The following PITPNM2 variants were observed in gnomAD, a reference collection of about 807,000 sequenced individuals.
PITPNM2 encodes phosphatidylinositol transfer protein membrane associated 2.
A neutral mutation model predicts 132.2 loss-of-function variants in PITPNM2; 35 were observed. That is an observed-to-expected ratio of 0.26 (90% CI 0.20 to 0.35). The LOEUF (loss-of-function observed/expected upper bound fraction) is 0.35. PITPNM2 is among the 10% of genes least tolerant of loss of function. PITPNM2 has a pLI of 1.00. For missense variants in PITPNM2, 1,332 were observed against 1,912.0 expected (o/e 0.70, Z 5.66); for synonymous variants, 738 against 799.2 (o/e 0.92, Z 1.29).
At chr12:122,998,798 G>A (rs552348829) in intron 10 of PITPNM2, among the ~76,000 whole-genome samples, 6 of 152,170 alleles carry the variant, frequency 3.9e-5, no homozygotes, top group Non-Finnish European at 8.8e-5. Flanking sequence ...GGGAGGGCAG[G>A]GGCTGGATCC....
chr12:123,007,135 G>C (rs1386065992), intron 6 of PITPNM2, among the ~76,000 whole-genome samples: 1 of 152,126 alleles, frequency 6.6e-6, no homozygotes, highest in Non-Finnish European at 1.5e-5. Flanking sequence ...CCTGCACACT[G>C]TATCAGGCTG....
chr12:123,013,708 G>T, intron 4 of PITPNM2, 120 bp downstream of exon 4: 6 of 1,168,180 alleles, frequency 5.1e-6, no homozygotes, highest in African/African-American at 1.5e-5. Context: ...GTTCCCTGGG[G>T]TTATGGGTTG....
At chr12:123,071,975 C>G (rs1273878471) in intron 2 of PITPNM2, among the ~76,000 whole-genome samples, 1 of 152,226 alleles carries the variant, frequency 6.6e-6, no homozygotes, top group Non-Finnish European at 1.5e-5. Flanking sequence ...GCAATTAGCA[C>G]AGGCCCAGCA....
At chr12:123,013,797 G>A (rs770019792) in intron 4 of PITPNM2, 31 bp downstream of exon 4, 1 of 1,601,432 alleles carries the variant, frequency 6.2e-7, no homozygotes, top group South Asian at 1.1e-5. Flanking sequence ...ATGTGGAGGT[G>A]GGAGGCACAT....
chr12:123,002,994 C>T (rs1212780961), intron 8 of PITPNM2, among the ~76,000 whole-genome samples: 2 of 152,284 alleles, frequency 1.3e-5, no homozygotes, highest in East Asian at 3.9e-4. Context: ...CTGCCTCAGC[C>T]TCCCAAAGTG....
In PITPNM2 at chr12:123,022,830, T is replaced by C. The variant is rs1592951747; in HGVS notation, c.79-8788A>G. 6.6e-6 allele frequency among the ~76,000 whole-genome samples: 1 copy of C among 151,736 alleles called. No individual in the cohort carries two copies. The highest frequency in any genetic ancestry group is 1.5e-5 in the Non-Finnish European group (1 of 67,944). On this transcript the variant is annotated intron_variant, in intron 3 of 25. Coordinates refer to ENST00000320201, the MANE Select transcript of PITPNM2 (RefSeq NM_020845.3). This position sits in a 1 kb window ranked among gnomAD's most constrained non-coding sequence, Gnocchi z 4.9. ...GGCAGGAATTGAGGGGAAGGGGAGG[T>C]CTGTTCCTGAAGGAGGGGCACCGGC...
chr12:123,041,806 C>T (rs1484311883), intron 2 of PITPNM2, among the ~76,000 whole-genome samples: 1 of 152,018 alleles, frequency 6.6e-6, no homozygotes, highest in Non-Finnish European at 1.5e-5. Context: ...TGGGTGGTCG[C>T]CCACATGCAC....
intron 2 of PITPNM2, among the ~76,000 whole-genome samples, chr12:123,063,807 G>A (rs1355770930): frequency 2.6e-5 from 4 of 152,094 alleles, no homozygotes; most frequent in African/African-American, 9.7e-5. Flanking sequence ...CCCCTCACTT[G>A]GTCTTAAGGA....
Position 123,023,203 on chromosome 12 carries a change from G to A in PITPNM2, c.79-9161C>T, listed in dbSNP as rs2039736593. ...GGTAGAAATGTGTCTCCTGGACTTG[G>A]TGTATGGCGCAGGGAACTGAGGGCT... On this transcript the variant is annotated intron_variant, in intron 3 of 25. Coordinates refer to ENST00000320201, the MANE Select transcript of PITPNM2 (RefSeq NM_020845.3). This position sits in a 1 kb window ranked among gnomAD's most constrained non-coding sequence, Gnocchi z 4.8. Among the ~76,000 whole-genome samples, 1 of 152,240 alleles carries A rather than the reference G, an allele frequency of 6.6e-6. No individual in the cohort carries two copies. Among genetic ancestry groups the A allele is most frequent in the Middle Eastern group, 3.2e-3 (1 of 316 alleles).
At chr12:123,012,220 A>G (rs1038180718) in intron 5 of PITPNM2, among the ~76,000 whole-genome samples, 3 of 152,202 alleles carry the variant, frequency 2.0e-5, no homozygotes, top group Non-Finnish European at 2.9e-5. Flanking sequence ...CCTACATGTC[A>G]CTGTCATCTG....
intron 2 of PITPNM2, among the ~76,000 whole-genome samples, chr12:123,104,841 C>CGA (rs1193544511): frequency 1.3e-5 from 2 of 152,272 alleles, no homozygotes; most frequent in South Asian, 2.1e-4. Flanking sequence ...ACCCAGCTTC[C>CGA]TCCCTTCCTC....
intron 2 of PITPNM2, among the ~76,000 whole-genome samples, chr12:123,039,605 CTG>C (rs2136514844): frequency 6.6e-6 from 1 of 152,288 alleles, no homozygotes; most frequent in South Asian, 2.1e-4. Context: ...TAAAAGTACT[CTG>C]TGGGATACTA....
chr12:123,045,387 G>A (rs1006514334), intron 2 of PITPNM2, among the ~76,000 whole-genome samples: 18 of 152,056 alleles, frequency 1.2e-4, no homozygotes, highest in African/African-American at 4.3e-4. Flanking sequence ...GACCATATTG[G>A]TCAAGGTCAC....
At chr12:123,125,662 G>T (rs2043121824) in intron 1 of PITPNM2, among the ~76,000 whole-genome samples, 1 of 151,218 alleles carries the variant, frequency 6.6e-6, no homozygotes, top group African/African-American at 2.4e-5. Context: ...GACCAACAAG[G>T]TGAAACCCCG....
intron 2 of PITPNM2, among the ~76,000 whole-genome samples, chr12:123,098,308 G>C (rs947800): frequency 0.026 from 4,002 of 152,264 alleles, 77 homozygotes; most frequent in South Asian, 0.047. Context: ...GGTGCCAGAT[G>C]TAAGTCAGGA....
At position 122,986,514 on chromosome 12, in the gene PITPNM2, C is replaced by T. The variant is rs1417213735; in HGVS notation, c.3648G>A (p.Val1216=). The T allele has an allele frequency of 1.3e-6, 2 of 1,596,088 alleles. No homozygotes were observed. The highest frequency in any genetic ancestry group is 1.7e-6 in the Non-Finnish European group (2 of 1,171,092). The part of the protein sequence containing the change: ...AAYGSTKDVA[V]YSAISLSPMQ... ...TGGGGGACAGGCTAATGGCGCTGTACACCGCCACGTCCTTGGTGGAGCCAT... is the reference window on the plus strand; with the variant it reads ...TGGGGGACAGGCTAATGGCGCTGTATACCGCCACGTCCTTGGTGGAGCCAT... The change falls in exon 25 of 26, where the codon GTG becomes GTA. Residue 1216 remains valine, a synonymous_variant. Coordinates refer to ENST00000320201, the MANE Select transcript of PITPNM2 (RefSeq NM_020845.3).
chr12:123,068,455 TAATAAATAAATAAATA>T (rs138118886), intron 2 of PITPNM2, among the ~76,000 whole-genome samples: 74,684 of 147,078 alleles, frequency 0.51, 22,556 homozygotes, highest in East Asian at 0.8. Flanking sequence ...CTCCAAAAAA[TAATAAATAAATAAATA>T]AATAAATAAA....
chr12:122,994,757 A>C lies in PITPNM2; in HGVS notation c.2233+44T>G. 11 of 1,555,112 alleles carry C rather than the reference A, an allele frequency of 7.1e-6. No individual in the cohort carries two copies. Among genetic ancestry groups the C allele is most frequent in the East Asian group, 4.5e-5 (2 of 44,026 alleles). ...GGTCCACTGAGACCCCCGCCCCCGC[A>C]CCCAGTGCATGTACCCCCCATCCTG... is the stretch of plus-strand genomic sequence containing the variant. On this transcript the variant is annotated intron_variant, in intron 15 of 25. Transcript: ENST00000320201. The surrounding 1 kb of genome is among the most constrained non-coding windows in gnomAD (Gnocchi z 5.4).
At chr12:123,024,063 G>A (rs1360157065) in intron 3 of PITPNM2, among the ~76,000 whole-genome samples, 1 of 152,150 alleles carries the variant, frequency 6.6e-6, no homozygotes, top group Non-Finnish European at 1.5e-5. Context: ...AGGTCAGCCT[G>A]AGCGACATAG....
Sources: gnomAD v4.1 joint callset for allele counts (sites outside exome capture counted in the v4.1 genomes callset) on GRCh38, gnomAD v4.1.1 for gene constraint, Gnocchi (gnomAD v3.1) non-coding constraint, MANE v1.5 for transcripts, NCBI Gene and HGNC (gene_info 2026-07-23, HGNC 2026-07-21) for gene names.